The following TM2D1 variants were observed in gnomAD, a reference collection of about 807,000 sequenced individuals.
TM2D1 encodes the protein TM2 domain-containing protein 1.
A neutral mutation model predicts 28.4 loss-of-function variants in TM2D1; 15 were observed. The observed-to-expected ratio is 0.53, with a 90% confidence interval of 0.35 to 0.81. The LOEUF is 0.81. Among genes scored for constraint, TM2D1 ranks in the 40% least tolerant of loss-of-function variants. TM2D1 has a pLI of 0.01. For missense variants in TM2D1, 236 were observed against 254.9 expected (o/e 0.93, Z 0.50); for synonymous variants, 93 against 96.2 (o/e 0.97, Z 0.20).
intron 4 of TM2D1, among the ~76,000 whole-genome samples, chr1:61,700,685 G>A (rs373506999): frequency 6.6e-6 from 1 of 152,156 alleles, no homozygotes; most frequent in Non-Finnish European, 1.5e-5. Context: ...GTGTACTATC[G>A]TAAGTAAATG....
intron 4 of TM2D1, 119 bp from the exon 5 acceptor site, chr1:61,694,889 T>A: frequency 2.1e-6 from 1 of 473,758 alleles, no homozygotes; most frequent in Non-Finnish European, 3.6e-6. Flanking sequence ...ATCAAGAACA[T>A]AAAAGTAACA....
Position 61,701,987 on chromosome 1 carries a change from C to T in TM2D1, c.348-962G>A, listed in dbSNP as rs149618636. 3.0e-3 allele frequency among the ~76,000 whole-genome samples: 452 copies of T among 152,060 alleles called. 24 individuals carry two copies. The East Asian group carries it at 0.078, about 26-fold the overall frequency. On this transcript the variant is annotated intron_variant, in intron 3 of 6. Transcript: ENST00000606498. ...AGGTGGATCACTGAGGTCAGGAGTT[C>T]GAGAACAGCCTGGCCAACAGAGTGA... is the stretch of plus-strand genomic sequence containing the variant.
At chr1:61,717,359 C>T (rs890554990) in intron 2 of TM2D1, among the ~76,000 whole-genome samples, 1 of 150,494 alleles carries the variant, frequency 6.6e-6, no homozygotes, top group Non-Finnish European at 1.5e-5. Flanking sequence ...CAGAGCAAGA[C>T]TCCGCCTCAA....
At chr1:61,710,406 A>G (rs1644468577) in intron 2 of TM2D1, among the ~76,000 whole-genome samples, 1 of 140,446 alleles carries the variant, frequency 7.1e-6, no homozygotes, top group South Asian at 2.3e-4. Context: ...AGCCTGGGTG[A>G]CAGAGCAAGA....
intron 4 of TM2D1, chr1:61,697,585 T>TG (rs566117540): frequency 7.7e-4 from 118 of 152,280 alleles, no homozygotes; most frequent in African/African-American, 2.6e-3. Flanking sequence ...TGACATGCAA[T>TG]GACATACACT....
Position 61,694,784 on chromosome 1 carries a change from T to C in TM2D1, c.440-14A>G. 1 of 1,564,188 alleles carries C rather than the reference T, an allele frequency of 6.4e-7. No homozygotes were observed. The highest frequency in any genetic ancestry group is 8.7e-7 in the Non-Finnish European group (1 of 1,153,982). ...ACTTTAACAAACCTAGAAAAGAAGG[T>C]AAAGTCATTTATAATCTGGAAGGTC... On this transcript the variant is annotated splice_polypyrimidine_tract_variant and intron_variant, in intron 4 of 6. Transcript: ENST00000606498.
chr1:61,705,571 C>T (rs958781657), intron 3 of TM2D1, among the ~76,000 whole-genome samples: 4 of 152,030 alleles, frequency 2.6e-5, no homozygotes, highest in African/African-American at 9.7e-5. Flanking sequence ...TGAGTTTTGG[C>T]CAATGGAAGG....
chr1:61,719,642 G>T (rs575589866), intron 2 of TM2D1, among the ~76,000 whole-genome samples: 2 of 152,016 alleles, frequency 1.3e-5, no homozygotes, highest in East Asian at 3.9e-4. Flanking sequence ...ACAGGCATGC[G>T]TCAGCACGCC....
At chr1:61,716,745 A>G (rs1230599199) in intron 2 of TM2D1, among the ~76,000 whole-genome samples, 1 of 151,796 alleles carries the variant, frequency 6.6e-6, no homozygotes, top group Non-Finnish European at 1.5e-5. Flanking sequence ...TCAATTCAAA[A>G]GAAGCCTACA....
intron 3 of TM2D1, among the ~76,000 whole-genome samples, chr1:61,702,126 G>A (rs1464974612): frequency 6.6e-6 from 1 of 151,868 alleles, no homozygotes; most frequent in Non-Finnish European, 1.5e-5. Flanking sequence ...GGAGGTGGAG[G>A]TTGCAGTAAG....
intron 2 of TM2D1, among the ~76,000 whole-genome samples, chr1:61,717,242 C>T (rs930953640): frequency 6.6e-6 from 1 of 151,560 alleles, no homozygotes; most frequent in South Asian, 2.1e-4. Context: ...GTGGCGGGCA[C>T]CTCTAGTCCC....
chr1:61,693,997 T>A (rs1307743513), intron 5 of TM2D1, among the ~76,000 whole-genome samples: 1 of 152,200 alleles, frequency 6.6e-6, no homozygotes, highest in Non-Finnish European at 1.5e-5. Context: ...TCACAAACTA[T>A]GCCCGCCCCC....
At chr1:61,717,835 T>A (rs754952342) in intron 2 of TM2D1, among the ~76,000 whole-genome samples, 11 of 151,692 alleles carry the variant, frequency 7.3e-5, no homozygotes, top group Middle Eastern at 3.2e-3. Flanking sequence ...AAAAAAGGAC[T>A]AAATTTAGCC....
chr1:61,715,570 C>A lies in TM2D1; in HGVS notation c.239-6133G>T, dbSNP rs557758177. Among the ~76,000 whole-genome samples, 107 of 130,910 alleles carry A rather than the reference C, an allele frequency of 8.2e-4. 1 individual carries two copies. In the Middle Eastern group the frequency reaches 0.018, roughly 21 times the overall value. 85.9% of individuals were successfully genotyped at this position (130,910 alleles called of 152,430 possible). A position where few individuals can be genotyped will look rare whatever the true frequency, so the allele number is the denominator to read the frequency against. ...GGCTGAGGCACAAGAATTGCTTGAA[C>A]CCGAGAGGCAGTGGTTGCAGTGAGC... On this transcript the variant is annotated intron_variant, in intron 2 of 6. Coordinates refer to ENST00000606498, the MANE Select transcript of TM2D1 (RefSeq NM_032027.3).
At chr1:61,711,791 A>G (rs746858253) in intron 2 of TM2D1, among the ~76,000 whole-genome samples, 9 of 152,214 alleles carry the variant, frequency 5.9e-5, no homozygotes, top group Non-Finnish European at 1.2e-4. Flanking sequence ...ATCTTGGATC[A>G]TGCTTTTGAT....
Position 61,725,113 on chromosome 1 carries a change from G to C in TM2D1, c.8C>G (p.Ala3Gly). 6.2e-7 allele frequency: 1 copy of C among 1,613,590 alleles called. No individual in the cohort carries two copies. Among genetic ancestry groups the C allele is most frequent in the South Asian group, 1.1e-5 (1 of 91,078 alleles). The stretch of plus-strand genomic sequence containing the variant: ...AGCAGACGGACCAGACGGCCAGGCG[G>C]CCGCCATCTTGGAGACCGACACTTT... MA[A>G]AWPSGPSAPE... Residue 3 changes from alanine to glycine, a missense_variant, in exon 1 of 7, where the codon GCC (alanine) becomes GGC (glycine). Around this residue, in one of 3 missense-constraint regions of TM2D1, gnomAD observed 167 missense variants for 162.7 expected, o/e 1.03. Coordinates refer to ENST00000606498, the MANE Select transcript of TM2D1 (RefSeq NM_032027.3).
At position 61,725,102 on chromosome 1, in the gene TM2D1, A is replaced by C. The variant is rs1570136900; in HGVS notation, c.19T>G (p.Ser7Ala). The C allele has an allele frequency of 1.9e-6, 3 of 1,613,590 alleles. No individual in the cohort carries two copies. The highest frequency in any genetic ancestry group is 1.1e-5 in the South Asian group (1 of 91,084). Residue 7 changes from serine to alanine, a missense_variant, in exon 1 of 7, where the codon TCT becomes GCT. By Grantham distance (99) the Ser-to-Ala change is moderately conservative. Transcript: ENST00000606498. MAAAWP[S>A]GPSAPEAVTA... The stretch of plus-strand genomic sequence containing the variant: ...ACGGCCTCCGGAGCAGACGGACCAG[A>C]CGGCCAGGCGGCCGCCATCTTGGAG...
At chr1:61,709,295 A>C in intron 3 of TM2D1, 34 bp downstream of exon 3, 1 of 1,302,678 alleles carries the variant, frequency 7.7e-7, no homozygotes. Context: ...ATAGGCAAGT[A>C]ATCTGAAAAT....
At chr1:61,703,408 A>T (rs1416474533) in intron 3 of TM2D1, among the ~76,000 whole-genome samples, 1 of 141,314 alleles carries the variant, frequency 7.1e-6, no homozygotes, top group Non-Finnish European at 1.5e-5. Flanking sequence ...TATATGTTTC[A>T]CATAATTTTT....
Sources: allele counts gnomAD v4.1 joint callset (sites outside exome capture counted in the v4.1 genomes callset), GRCh38; gene constraint gnomAD v4.1.1; regional missense constraint gnomAD v4.1.1; transcripts MANE v1.5; gene names NCBI Gene and HGNC (gene_info 2026-07-23, HGNC 2026-07-21).